DNAH17: variants seen among roughly 807,000 people sequenced by gnomAD.
DNAH17 encodes the protein axonemal beta dynein heavy chain 17.
DNAH17 carries 376 observed loss-of-function variants against 485.6 expected under a neutral mutation model. The observed-to-expected ratio is 0.77, with a 90% CI of 0.71 to 0.84. The LOEUF is 0.84. DNAH17 is among the 40% of genes least tolerant of loss of function. DNAH17 has a pLI of 0.00. For missense variants in DNAH17, 6,370 were observed against 5,839.3 expected, an observed-to-expected ratio of 1.09 and a Z score of -2.96; for synonymous variants, 3,031 against 2,405.9, an observed-to-expected ratio of 1.26 and a Z score of -7.60.
chr17:78,568,141 C>T (rs2092298277), intron 9 of DNAH17, among the ~76,000 whole-genome samples: 1 of 152,198 alleles, frequency 6.6e-6, no homozygotes, highest in African/African-American at 2.4e-5. Flanking sequence ...ACAGCAAAGC[C>T]ATTTCCTCCA....
At chr17:78,445,318 T>G (rs2087239452) in intron 70 of DNAH17, among the ~76,000 whole-genome samples, 1 of 151,940 alleles carries the variant, frequency 6.6e-6, no homozygotes, top group Admixed American at 6.6e-5. Context: ...ACTCTCTGCT[T>G]GCTGTGTGCA....
chr17:78,451,722 G>C (rs1348749885), intron 65 of DNAH17, 49 bp from the exon 66 acceptor site: 1 of 1,494,144 alleles, frequency 6.7e-7, no homozygotes. Flanking sequence ...GTGACCAGGG[G>C]AGAGGAACAC....
At position 78,501,858 on chromosome 17, in the gene DNAH17, C is replaced by T. The variant is rs139273056; in HGVS notation, c.5206G>A (p.Val1736Ile). 3.2e-4 allele frequency: 511 copies of T among 1,614,018 alleles called. 3 individuals carry two copies. The African/African-American group carries it at 4.9e-3, about 16-fold the overall frequency. ...TTCCCCATGAGCAGCGTGATGAGTA[C>T]GTTCAGCTGGCTAATCTGCGGGGGA... The part of the protein sequence containing the change: ...YNKKQISQLN[V>I]LITLLMGNLN... Residue 1736 changes from valine to isoleucine, a missense_variant, in exon 34 of 81, where the codon GTA (valine) becomes ATA (isoleucine). By Grantham distance (29) the Val-to-Ile change is conservative (BLOSUM62 3). Coordinates refer to ENST00000389840, the MANE Select transcript of DNAH17 (RefSeq NM_173628.4).
intron 70 of DNAH17, among the ~76,000 whole-genome samples, chr17:78,445,100 CCTT>C (rs2087225790): frequency 6.6e-6 from 1 of 151,834 alleles, no homozygotes; most frequent in Admixed American, 6.6e-5. Flanking sequence ...CAGGGGACGA[CCTT>C]CTTCAGGTCT....
chr17:78,473,668 CGCTGAG>C (rs142944660), intron 54 of DNAH17, among the ~76,000 whole-genome samples: 5,635 of 151,892 alleles, frequency 0.037, 316 homozygotes, highest in African/African-American at 0.12. Flanking sequence ...AAAATAGTAC[CGCTGAG>C]GCTGAGGCTG....
At chr17:78,498,361 C>T (rs937895767) in intron 37 of DNAH17, among the ~76,000 whole-genome samples, 7 of 152,256 alleles carry the variant, frequency 4.6e-5, no homozygotes, top group East Asian at 3.9e-4. Flanking sequence ...GCCGCTAGGT[C>T]GGCCTCCACT....
rs2092379688 is a variant in DNAH17, at chr17:78,572,857, G to A, written c.383C>T (p.Ala128Val). The A allele has an allele frequency of 6.2e-7, 1 of 1,613,904 alleles. No homozygotes were observed. Among genetic ancestry groups the A allele is most frequent in the African/African-American group, 1.3e-5 (1 of 75,032 alleles). ...SSLLNQSENM[A>V]GWPQVVSEDI... ...TTCCGAGACCACCTGGGGCCATCCA[G>A]CCATGTTCTCACTTTGGTTTAACAG... Residue 128 changes from alanine to valine, a missense_variant, in exon 3 of 81, where the codon GCT becomes GTT. Coordinates refer to ENST00000389840, the MANE Select transcript of DNAH17 (RefSeq NM_173628.4).
chr17:78,531,446 C>A (rs372608030), intron 20 of DNAH17, among the ~76,000 whole-genome samples: 1 of 148,186 alleles, frequency 6.7e-6, no homozygotes, highest in African/African-American at 2.5e-5. Flanking sequence ...TCACACCATT[C>A]TCTTGCCTCA....
Position 78,450,412 on chromosome 17 carries a change from G to T in DNAH17, c.10900-18C>A, listed in dbSNP as rs1267528163. The T allele has an allele frequency of 6.2e-7, 1 of 1,613,178 alleles. No homozygotes were observed. Among genetic ancestry groups the T allele is most frequent in the African/African-American group, 1.3e-5 (1 of 75,050 alleles). ...TCCACCACCTCGACACAAACAAAAGGGGTGTGAATGACACAGCAGATGGGC... is the reference window on the plus strand; with the variant it reads ...TCCACCACCTCGACACAAACAAAAGTGGTGTGAATGACACAGCAGATGGGC... On this transcript the variant is annotated intron_variant, in intron 67 of 80. Transcript: ENST00000389840.
At chr17:78,514,515 A>AAAG (rs2090724775) in intron 26 of DNAH17, among the ~76,000 whole-genome samples, 1 of 150,722 alleles carries the variant, frequency 6.6e-6, no homozygotes, top group Admixed American at 6.7e-5. Context: ...AAAAAAAAAA[A>AAAG]AAAAAAAGAA....
At chr17:78,479,354 A>T in intron 50 of DNAH17, 131 bp downstream of exon 50, 1 of 1,254,300 alleles carries the variant, frequency 8.0e-7, no homozygotes, top group Non-Finnish European at 1.1e-6. Flanking sequence ...CTGTCGAAAC[A>T]TAGCATCGTT....
chr17:78,458,965 G>T (rs1376145910), intron 61 of DNAH17, 36 bp downstream of exon 61: 3 of 1,605,744 alleles, frequency 1.9e-6, no homozygotes, highest in Non-Finnish European at 2.6e-6. Context: ...AAGCGGCTCT[G>T]GTGTTTCGCA....
At chr17:78,506,373 C>G (rs6501224) in intron 30 of DNAH17, among the ~76,000 whole-genome samples, 103,398 of 151,790 alleles carry the variant, frequency 0.68, 35,489 homozygotes, top group African/African-American at 0.75. Context: ...TGAGATTTAA[C>G]CAGCTGACCA....
Position 78,509,291 on chromosome 17 carries a change from TA to T in DNAH17, c.4236+1092del, listed in dbSNP as rs201342463. On this transcript the variant is annotated intron_variant, in intron 27 of 80. Coordinates refer to ENST00000389840, the MANE Select transcript of DNAH17 (RefSeq NM_173628.4). ...CCCCGCTAATTTTTTTAAATTTATT[TA>T]TTTTTTTTGTAGAGATGGGGTCTGC... Among the ~76,000 whole-genome samples the T allele has an allele frequency of 9.4e-3, 1,434 of 151,942 alleles. 27 individuals are homozygous for T. The highest frequency in any genetic ancestry group is 0.033 in the African/African-American group (1,367 of 41,342).
chr17:78,485,836 A>T, intron 46 of DNAH17, 79 bp from the exon 47 acceptor site: 1 of 1,574,006 alleles, frequency 6.4e-7, no homozygotes, highest in Non-Finnish European at 8.7e-7. Context: ...GCCATGTTCT[A>T]CCGAACAGGT....
Position 78,484,872 on chromosome 17 carries a change from G to T in DNAH17, c.7645C>A (p.His2549Asn). 1 of 1,559,598 alleles carries T rather than the reference G, an allele frequency of 6.4e-7. No individual in the cohort carries two copies. The highest frequency in any genetic ancestry group is 1.2e-5 in the South Asian group (1 of 84,762). The change falls in exon 48 of 81, where the codon CAC (histidine) becomes AAC (asparagine). Residue 2549 changes from histidine (H) to asparagine (N), a missense_variant. Coordinates refer to ENST00000389840, the MANE Select transcript of DNAH17 (RefSeq NM_173628.4). ...TLIRQHMDHRHWYDRHKLTLK... is the reference protein window; with the variant it reads ...TLIRQHMDHRNWYDRHKLTLK... ...TCCGGCCCCGCCCCGTCTAACCAGT[G>T]CCGGTGGTCCATGTGCTGCCGGATG... is the stretch of plus-strand genomic sequence containing the variant.
chr17:78,457,022 G>A (rs2087834283), intron 62 of DNAH17, among the ~76,000 whole-genome samples: 1 of 152,206 alleles, frequency 6.6e-6, no homozygotes. Context: ...CCAGCCCTGG[G>A]GCTCCCAAAC....
In DNAH17 at chr17:78,571,828, G is replaced by A. The variant is rs4969149; in HGVS notation, c.540-46C>T. The A allele has an allele frequency of 0.36, 545,945 of 1,517,816 alleles. 99,889 individuals carry two copies. The highest frequency in any genetic ancestry group is 0.52 in the Admixed American group (25,814 of 49,776). The allele number at this position is 1,517,816 out of a possible 1,614,324, so 94.0% of individuals were successfully genotyped here. On this transcript the variant is annotated intron_variant, in intron 3 of 80. Transcript: ENST00000389840. ...GCATTGCTCTCATGGCGACACACACGTGGGTCCCACCAAGCTCTCCCATGA... is the reference window on the plus strand; with the variant it reads ...GCATTGCTCTCATGGCGACACACACATGGGTCCCACCAAGCTCTCCCATGA...
rs182475959 is a variant in DNAH17, at chr17:78,500,443, G to T, written c.5502C>A (p.Thr1834=). 1.9e-6 allele frequency: 3 copies of T among 1,596,066 alleles called. No homozygotes were observed. Among genetic ancestry groups the T allele is most frequent in the Non-Finnish European group, 2.6e-6 (3 of 1,173,936 alleles). Residue 1834 remains threonine, a synonymous_variant, in exon 36 of 81, where the codon ACC becomes ACA. Coordinates refer to ENST00000389840, the MANE Select transcript of DNAH17 (RefSeq NM_173628.4). ...CACCCATGATGAGATGGAGGGACTG[G>T]GTCAGGGTGATATAGCACCTGCAAG... is the stretch of plus-strand genomic sequence containing the variant. ...PLTDRCYITL[T]QSLHLIMGGA... is the part of the protein sequence containing the mutation.
Sources: gnomAD v4.1 joint callset for allele counts (sites outside exome capture counted in the v4.1 genomes callset) on GRCh38, gnomAD v4.1.1 for gene constraint, MANE v1.5 for transcripts, NCBI Gene and HGNC (gene_info 2026-07-23, HGNC 2026-07-21) for gene names.